Variants in STX18 observed in about 807,000 individuals in gnomAD.
STX18 encodes syntaxin-18.
Under a neutral mutation model 50.1 loss-of-function variants are expected in STX18, and 40 were observed. That is an observed-to-expected ratio of 0.80 (90% confidence interval 0.62 to 1.04). The LOEUF is 1.04. Ranked by LOEUF, STX18 falls within the 50% of genes least tolerant of loss-of-function variation. The pLI is 0.00. For synonymous variants in STX18, 158 were observed against 151.8 expected (o/e 1.04, Z -0.30); for missense variants, 410 against 415.8 (o/e 0.99, Z 0.12).
At chr4:4,421,625 G>C (rs972839554) in intron 9 of STX18, among the ~76,000 whole-genome samples, 2 of 152,130 alleles carry the variant, frequency 1.3e-5, no homozygotes, top group African/African-American at 4.8e-5. Flanking sequence ...GCCGGTGACG[G>C]ACAAAAACCT....
In STX18 at chr4:4,468,416, C is replaced by A. The variant is rs184670209; in HGVS notation, c.236+3223G>T. ...TACCTCAAGGCGGGTAGTCTACAAC[C>A]CGGCCATTGCTGACATGTCGCCAGC... On this transcript the variant is annotated intron_variant, in intron 2 of 10. Transcript: ENST00000306200. Among the ~76,000 whole-genome samples the A allele has an allele frequency of 3.1e-4, 47 of 152,216 alleles. No individual in the cohort carries two copies. In the East Asian group the frequency reaches 4.1e-3, roughly 13 times the overall value.
At chr4:4,505,453 A>C (rs1729656880) in intron 1 of STX18, among the ~76,000 whole-genome samples, 1 of 152,156 alleles carries the variant, frequency 6.6e-6, no homozygotes. Flanking sequence ...CATACCGCAC[A>C]TTGCTAGCCT....
intron 1 of STX18, among the ~76,000 whole-genome samples, chr4:4,525,878 G>C (rs966438599): frequency 1.1e-4 from 16 of 152,134 alleles, no homozygotes; most frequent in African/African-American, 3.9e-4. Context: ...GAGGAGACTA[G>C]TATAGGCTAG....
At chr4:4,457,108 A>C in intron 5 of STX18, 83 bp downstream of exon 5, 1 of 1,287,070 alleles carries the variant, frequency 7.8e-7, no homozygotes, top group Non-Finnish European at 1.1e-6. Context: ...TACATTGCAT[A>C]GGGTAAGTGC....
chr4:4,498,739 T>C (rs1729303682), intron 1 of STX18, among the ~76,000 whole-genome samples: 1 of 152,142 alleles, frequency 6.6e-6, no homozygotes, highest in Non-Finnish European at 1.5e-5. Flanking sequence ...TAAGCATAAA[T>C]CAAATAGCAA....
At chr4:4,429,668 C>G (rs764289890) in intron 7 of STX18, among the ~76,000 whole-genome samples, 1 of 152,248 alleles carries the variant, frequency 6.6e-6, no homozygotes, top group Admixed American at 6.5e-5. Flanking sequence ...CATAATGTGA[C>G]AGTAGACGGA....
At chr4:4,483,462 C>T (rs1577363011) in intron 1 of STX18, among the ~76,000 whole-genome samples, 2 of 152,168 alleles carry the variant, frequency 1.3e-5, no homozygotes, top group African/African-American at 4.8e-5. Flanking sequence ...TCCTTCCAGC[C>T]CCAACTTACT....
Position 4,420,307 on chromosome 4 carries a change from A to G in STX18, c.913-178T>C. 6.8e-6 allele frequency: 4 copies of G among 588,370 alleles called. No individual in the cohort carries two copies. Among genetic ancestry groups the G allele is most frequent in the East Asian group, 2.9e-5 (1 of 34,618 alleles). The allele number at this position is 588,370 out of a possible 1,614,324, so 36.4% of individuals were successfully genotyped here. A position where few individuals can be genotyped will look rare whatever the true frequency, so the allele number is the denominator to read the frequency against. On this transcript the variant is annotated intron_variant, in intron 10 of 10. Transcript: ENST00000306200. The surrounding 1 kb of genome is among the most constrained non-coding windows in gnomAD (Gnocchi z 4.3). ...AGATCCACCAGAAGACAAATGGGTT[A>G]TATTTCCCTCTGTTTGGCCATCATT...
At chr4:4,468,470 C>A (rs901409087) in intron 2 of STX18, among the ~76,000 whole-genome samples, 2 of 152,114 alleles carry the variant, frequency 1.3e-5, no homozygotes, top group African/African-American at 2.4e-5. Flanking sequence ...GAAAGAGACA[C>A]ACAGACCTAG....
chr4:4,472,512 C>T (rs1727973301), intron 1 of STX18, among the ~76,000 whole-genome samples: 3 of 152,214 alleles, frequency 2.0e-5, no homozygotes. Flanking sequence ...CACACGTGGC[C>T]CCAGCCTTGC....
chr4:4,537,083 G>A (rs185099308), intron 1 of STX18, among the ~76,000 whole-genome samples: 11 of 152,254 alleles, frequency 7.2e-5, no homozygotes, highest in Non-Finnish European at 1.3e-4. Flanking sequence ...ACAGCAGTTC[G>A]GTGCTTACGG....
chr4:4,500,672 G>T (rs1729408614), intron 1 of STX18, among the ~76,000 whole-genome samples: 1 of 152,138 alleles, frequency 6.6e-6, no homozygotes. Flanking sequence ...TCAACACCAT[G>T]AGTACATGTA....
intron 3 of STX18, 62 bp from the exon 4 acceptor site, chr4:4,457,562 C>G (rs930606931): frequency 2.4e-6 from 3 of 1,239,594 alleles, no homozygotes; most frequent in Non-Finnish European, 3.5e-6. Context: ...AGCAATTCAT[C>G]AGCTTCCTCA....
rs575297864 is a variant in STX18, at chr4:4,471,845, C to G, written c.169-139G>C. 6.9e-6 allele frequency: 4 copies of G among 578,412 alleles called. No homozygotes were observed. The African/African-American group carries it at 7.7e-5, about 11-fold the overall frequency. 35.8% of individuals were successfully genotyped at this position (578,412 alleles called of 1,614,324 possible). A position where few individuals can be genotyped will look rare whatever the true frequency, so the allele number is the denominator to read the frequency against. On this transcript the variant is annotated intron_variant, in intron 1 of 10. Transcript: ENST00000306200. ...CTGAGCACCGTCGGTTTTGGACTCT[C>G]GTACAGTCACAAATTAGTTACCATT...
chr4:4,509,545 G>T (rs545374537), intron 1 of STX18, among the ~76,000 whole-genome samples: 1 of 152,006 alleles, frequency 6.6e-6, no homozygotes, highest in South Asian at 2.1e-4. Flanking sequence ...ACTTGGAGTC[G>T]AAAGACCCTA....
At chr4:4,517,040 T>C (rs1334219966) in intron 1 of STX18, among the ~76,000 whole-genome samples, 1 of 152,198 alleles carries the variant, frequency 6.6e-6, no homozygotes, top group Non-Finnish European at 1.5e-5. Context: ...AGAGTCTTCT[T>C]TGCTTAGTAT....
chr4:4,433,247 C>A (rs1326685202), intron 7 of STX18, among the ~76,000 whole-genome samples: 4 of 152,308 alleles, frequency 2.6e-5, no homozygotes, highest in Admixed American at 2.6e-4. Flanking sequence ...TCATAAGTAT[C>A]CATAATACTA....
chr4:4,485,144 T>C (rs115246834), intron 1 of STX18, among the ~76,000 whole-genome samples: 2,774 of 152,312 alleles, frequency 0.018, 82 homozygotes, highest in African/African-American at 0.062. Flanking sequence ...ACTAGTGACA[T>C]GGCTTTGTGT....
Position 4,419,543 on chromosome 4 carries a change from A to C in STX18, c.*491T>G, listed in dbSNP as rs1419025117. The C allele has an allele frequency of 6.5e-6, 1 of 153,232 alleles. No homozygotes were observed. Among genetic ancestry groups the C allele is most frequent in the Non-Finnish European group, 1.5e-5 (1 of 68,730 alleles). 9.5% of individuals were successfully genotyped at this position (153,232 alleles called of 1,614,324 possible). On this transcript the variant is annotated 3_prime_UTR_variant, in exon 11 of 11. Coordinates refer to ENST00000306200, the MANE Select transcript of STX18 (RefSeq NM_016930.4). ...GAATTTTCTCTTCTATAATCCAGTAAGTCTGTGTATTCGTTGACTCAGACA... is the reference window on the plus strand; with the variant it reads ...GAATTTTCTCTTCTATAATCCAGTACGTCTGTGTATTCGTTGACTCAGACA...
Sources: allele counts gnomAD v4.1 joint callset (sites outside exome capture counted in the v4.1 genomes callset), GRCh38; gene constraint gnomAD v4.1.1; non-coding constraint Gnocchi (gnomAD v3.1); transcripts MANE v1.5; gene names NCBI Gene and HGNC (gene_info 2026-07-23, HGNC 2026-07-21).